Variants in HUWE1 observed in about 807,000 individuals in gnomAD.
HUWE1 encodes HECT, UBA and WWE domain containing E3 ubiquitin protein ligase 1.
A neutral mutation model predicts 299.4 loss-of-function variants in HUWE1; 18 were observed. The ratio of observed to expected loss-of-function variants is 0.06; its 90% CI spans 0.04 to 0.09. HUWE1 has a LOEUF of 0.09. Ranked by LOEUF, HUWE1 falls within the 10% of genes least tolerant of loss-of-function variation. The probability of loss-of-function intolerance (pLI) is 1.00; values close to 1 mark genes in which losing one functional copy is unlikely to be tolerated. For missense variants in HUWE1, 1,832 were observed against 3,462.3 expected (o/e 0.53, Z 11.82); for synonymous variants, 1,317 against 1,286.1 (o/e 1.02, Z -0.51).
At chrX:53,605,904 A>G (rs2065123861) in intron 25 of HUWE1, among the ~76,000 whole-genome samples, 1 of 111,736 alleles carries the variant, frequency 8.9e-6, no homozygotes, top group South Asian at 3.7e-4. Flanking sequence ...AGGTACCAAG[A>G]CCATGCAATA....
chrX:53,565,162 C>G lies in HUWE1; in HGVS notation c.6785G>C (p.Ser2262Thr). 2 of 1,211,308 alleles carry G rather than the reference C, an allele frequency of 1.7e-6. No individual in the cohort carries two copies. Among genetic ancestry groups the G allele is most frequent in the Non-Finnish European group, 2.2e-6 (2 of 894,990 alleles). ...AGAAGCACTCTTGCTGCCAAAAAGG[C>G]TACTGGGCTGGTTCACAATCCGGGA... ...TLSRIVNQPS[S>T]LFGSKSASSK... The change falls in exon 50 of 84, where the codon AGC becomes ACC. Residue 2262 changes from serine to threonine, a missense_variant. This residue lies in a region of HUWE1 where 26 missense variants were observed against 20.7 expected (regional missense o/e 1.26). Coordinates refer to ENST00000262854, the MANE Select transcript of HUWE1 (RefSeq NM_031407.7).
At chrX:53,586,441 G>T in intron 39 of HUWE1, 49 bp downstream of exon 39, 1 of 823,251 alleles carries the variant, frequency 1.2e-6, no homozygotes. Flanking sequence ...GTCTACTCTT[G>T]CCTCAGGAAG....
rs782597093 is a variant in HUWE1, at chrX:53,560,290, C to T, written c.7634G>A (p.Arg2545His). The change falls in exon 56 of 84, where the codon CGC becomes CAC. Residue 2545 changes from arginine (R) to histidine (H), a missense_variant. Transcript: ENST00000262854. ...STTRLTQGIGRSQRTLRQLTA... is the reference protein window; with the variant it reads ...STTRLTQGIGHSQRTLRQLTA... ...CAGCTGCCTTAGGGTCCTCTGACTG[C>T]GCCCGATGCCCTGGGTGAGACGAGT... 5 of 1,211,028 alleles carry T rather than the reference C, an allele frequency of 4.1e-6. No homozygotes were observed. Among genetic ancestry groups the T allele is most frequent in the Admixed American group, 2.2e-5 (1 of 45,971 alleles).
intron 23 of HUWE1, among the ~76,000 whole-genome samples, chrX:53,611,665 G>C (rs1278887328): frequency 9.1e-6 from 1 of 110,276 alleles, no homozygotes; most frequent in Non-Finnish European, 1.9e-5. Flanking sequence ...CCAGGAGTTT[G>C]AGGCCAACAT....
At chrX:53,537,148 C>T (rs1282046962) in intron 78 of HUWE1, 1 of 233,934 alleles carries the variant, frequency 4.3e-6, no homozygotes, top group African/African-American at 2.8e-5. Flanking sequence ...GGTCTTTCAT[C>T]TCATCAGCTC....
chrX:53,563,762 C>G lies in HUWE1; in HGVS notation c.7089G>C (p.Gly2363=). 1 of 1,211,120 alleles carries G rather than the reference C, an allele frequency of 8.3e-7. No homozygotes were observed. Among genetic ancestry groups the G allele is most frequent in the Non-Finnish European group, 1.1e-6 (1 of 895,310 alleles). Residue 2363 remains glycine, a synonymous_variant, in exon 52 of 84, where the codon GGG becomes GGC. Coordinates refer to ENST00000262854, the MANE Select transcript of HUWE1 (RefSeq NM_031407.7). The stretch of plus-strand genomic sequence containing the variant: ...GGCTCTCACCTATAATTGTACTGTT[C>G]CCAGATCCGCCATCCCTCTCAAGCA... ...DELLERDGGS[G]NSTIIVSRSG...
intron 42 of HUWE1, among the ~76,000 whole-genome samples, chrX:53,581,842 T>C (rs1367888751): frequency 8.9e-6 from 1 of 111,902 alleles, no homozygotes; most frequent in Non-Finnish European, 1.9e-5. Context: ...ATTAGACCTC[T>C]AGTTTCTTGA....
chrX:53,645,791 A>G (rs1557035555), intron 6 of HUWE1, among the ~76,000 whole-genome samples: 1 of 96,737 alleles, frequency 1.0e-5, no homozygotes, highest in African/African-American at 3.8e-5. Context: ...TTGATAATCT[A>G]CAACATGCAA....
intron 3 of HUWE1, among the ~76,000 whole-genome samples, chrX:53,659,225 T>C (rs1208343900): frequency 8.9e-6 from 1 of 112,536 alleles, no homozygotes; most frequent in Non-Finnish European, 1.9e-5. Flanking sequence ...AAAACTTATG[T>C]CCACACAAAA....
chrX:53,578,055 G>C (rs1377192274), intron 43 of HUWE1, among the ~76,000 whole-genome samples: 1 of 111,443 alleles, frequency 9.0e-6, no homozygotes, highest in Non-Finnish European at 1.9e-5. Flanking sequence ...CTGCCCGGCC[G>C]CCATCCCATC....
chrX:53,645,195 G>A, intron 7 of HUWE1, 116 bp downstream of exon 7: 1 of 741,355 alleles, frequency 1.3e-6, no homozygotes, highest in South Asian at 2.3e-5. Context: ...AACTCAATTA[G>A]GCCAGTGAAG....
chrX:53,554,296 T>C (rs192397404), intron 61 of HUWE1, among the ~76,000 whole-genome samples: 175 of 110,301 alleles, frequency 1.6e-3, no homozygotes, highest in African/African-American at 5.6e-3. Context: ...TGAGCTCAAA[T>C]GATCCCCCTG....
intron 67 of HUWE1, 31 bp downstream of exon 67, chrX:53,548,928 C>T (rs1556925756): frequency 1.7e-6 from 2 of 1,153,150 alleles, no homozygotes; most frequent in South Asian, 1.9e-5. Context: ...ACCCTTCTTC[C>T]ATCCCCAGGA....
rs782328303 is a variant in HUWE1, at chrX:53,541,466, C to T, written c.11476+977G>A. Among the ~76,000 whole-genome samples the T allele has an allele frequency of 2.3e-3, 250 of 110,628 alleles. 1 individual carries two copies. The highest frequency in any genetic ancestry group is 1.0e-2 in the South Asian group (26 of 2,607). On this transcript the variant is annotated intron_variant, in intron 74 of 83. Transcript: ENST00000262854. ...AAAATTAGCCAGGCATGGTGGCAGG[C>T]GCCTGTAATCCCAGCTACTTGGGAG...
chrX:53,685,249 T>C (rs1172490517), intron 2 of HUWE1, among the ~76,000 whole-genome samples: 1 of 112,229 alleles, frequency 8.9e-6, no homozygotes, highest in Non-Finnish European at 1.9e-5. Flanking sequence ...GGATGAACTT[T>C]AGAATCATAG....
In HUWE1 at chrX:53,593,462, C is replaced by A; in HGVS notation, c.3643G>T (p.Val1215Leu). ...GGCAGCGAATGTGGAGATTCAAGCA[C>A]CGTGGTGGGATTCACCATCTTCTCC... ...LVEKMVNPTT[V>L]LESPHSLPAK... The change falls in exon 32 of 84, where the codon GTG (valine) becomes TTG (leucine). Residue 1215 changes from valine to leucine, a missense_variant. Transcript: ENST00000262854. 1 of 1,210,827 alleles carries A rather than the reference C, an allele frequency of 8.3e-7. No individual in the cohort carries two copies. Among genetic ancestry groups the A allele is most frequent in the Non-Finnish European group, 1.1e-6 (1 of 894,643 alleles).
At chrX:53,657,622 G>A (rs924956746) in intron 3 of HUWE1, among the ~76,000 whole-genome samples, 23 of 112,174 alleles carry the variant, frequency 2.1e-4, no homozygotes, top group African/African-American at 7.4e-4. Flanking sequence ...ATAAAGATTG[G>A]GAAGGAAGAT....
At chrX:53,683,981 T>C (rs1225166826) in intron 2 of HUWE1, 1 of 290,733 alleles carries the variant, frequency 3.4e-6, no homozygotes, top group East Asian at 4.9e-5. Context: ...CCGCGGCTAC[T>C]GCAGTCAGTA....
At chrX:53,566,151 A>G (rs1233950688) in intron 49 of HUWE1, among the ~76,000 whole-genome samples, 5 of 95,265 alleles carry the variant, frequency 5.2e-5, no homozygotes, top group East Asian at 3.2e-4. Flanking sequence ...ATATATATAT[A>G]TATATATATA....
Sources: gnomAD v4.1 joint callset for allele counts (sites outside exome capture counted in the v4.1 genomes callset) on GRCh38, gnomAD v4.1.1 for gene constraint, gnomAD v4.1.1 regional missense constraint, MANE v1.5 for transcripts, NCBI Gene and HGNC (gene_info 2026-07-23, HGNC 2026-07-21) for gene names.